Variants in FBXO28 observed in about 807,000 individuals in gnomAD.
FBXO28 encodes the protein F-box only protein 28.
A neutral mutation model predicts 38.1 loss-of-function variants in FBXO28; 8 were observed. That is an observed-to-expected ratio of 0.21 (90% CI 0.12 to 0.38). The LOEUF (loss-of-function observed/expected upper bound fraction) is 0.38. Ranked by LOEUF, FBXO28 falls within the 10% of genes least tolerant of loss-of-function variation. The pLI is 1.00. For synonymous variants in FBXO28, 168 were observed against 173.8 expected (o/e 0.97, Z 0.26); for missense variants, 345 against 460.6 (o/e 0.75, Z 2.30).
At chr1:224,127,228 T>C (rs1656928138) in intron 1 of FBXO28, among the ~76,000 whole-genome samples, 1 of 151,318 alleles carries the variant, frequency 6.6e-6, no homozygotes, top group South Asian at 2.1e-4. Flanking sequence ...GGCACGCTTA[T>C]TTTTTCCACA....
rs185743972 is a variant in FBXO28 at position 224,142,830 on chromosome 1, C to T, written c.516+8618C>T. Among the ~76,000 whole-genome samples, 29 of 152,202 alleles carry T rather than the reference C, an allele frequency of 1.9e-4. 1 individual carries two copies. In the South Asian group the frequency reaches 5.0e-3, roughly 26 times the overall value. On this transcript the variant is annotated intron_variant, in intron 3 of 4. Transcript: ENST00000366862. ...GCATGGTGGTGCGTGCCTGTAATCCCAGCCACTCGGGAGGCTGAGGCACGA... is the reference window on the plus strand; with the variant it reads ...GCATGGTGGTGCGTGCCTGTAATCCTAGCCACTCGGGAGGCTGAGGCACGA...
chr1:224,157,646 C>T lies in FBXO28; in HGVS notation c.1007C>T (p.Ser336Leu). ...EVMESAVGNSSGSGQNEESPR... is the reference protein window; with the variant it reads ...EVMESAVGNSLGSGQNEESPR... Reference sequence around the variant, plus strand: ...ATGGAAAGTGCTGTAGGAAATTCCTCAGGGTCCGGGCAGAATGAGGAGTCT... The same window carrying T: ...ATGGAAAGTGCTGTAGGAAATTCCTTAGGGTCCGGGCAGAATGAGGAGTCT... The change falls in exon 5 of 5, where the codon TCA (serine) becomes TTA (leucine). Residue 336 changes from serine to leucine, a missense_variant. Coordinates refer to ENST00000366862, the MANE Select transcript of FBXO28 (RefSeq NM_015176.4). 1.2e-6 allele frequency: 2 copies of T among 1,614,236 alleles called. No individual in the cohort carries two copies. The highest frequency in any genetic ancestry group is 1.3e-5 in the African/African-American group (1 of 75,056).
intron 1 of FBXO28, among the ~76,000 whole-genome samples, chr1:224,117,957 C>T (rs1257012606): frequency 6.6e-6 from 1 of 151,914 alleles, no homozygotes; most frequent in Admixed American, 6.6e-5. Context: ...TATATTCTTA[C>T]CTACTGAAAA....
chr1:224,146,115 T>C (rs1657497985), intron 3 of FBXO28, among the ~76,000 whole-genome samples: 1 of 151,682 alleles, frequency 6.6e-6, no homozygotes, highest in Non-Finnish European at 1.5e-5. Context: ...ACGCCTGTAT[T>C]CCCAGCTACT....
In FBXO28 at chr1:224,139,061, A is replaced by T. The variant is rs182360988; in HGVS notation, c.516+4849A>T. 5.9e-4 allele frequency among the ~76,000 whole-genome samples: 90 copies of T among 151,614 alleles called. 3 individuals carry two copies. In the South Asian group the frequency reaches 0.018, roughly 30 times the overall value. ...GCCTCCCAAAGTGCTGGGATTACAG[A>T]TGTGAGCCACTGCGCCCAGCCCAGT... is the stretch of plus-strand genomic sequence containing the variant. On this transcript the variant is annotated intron_variant, in intron 3 of 4. Transcript: ENST00000366862.
chr1:224,125,664 C>T lies in FBXO28; in HGVS notation c.268-4808C>T, dbSNP rs532677336. Among the ~76,000 whole-genome samples the T allele has an allele frequency of 2.5e-4, 36 of 146,336 alleles. No homozygotes were observed. The South Asian group carries it at 4.6e-3, about 19-fold the overall frequency. ...TCTCTTTTTTTTTTTTTTTCTGACA[C>T]GGAGTCTCGTTCTGTCATCCAGGCT... is the stretch of plus-strand genomic sequence containing the variant. On this transcript the variant is annotated intron_variant, in intron 1 of 4. Transcript: ENST00000366862.
At chr1:224,153,470 A>G (rs1657694028) in intron 4 of FBXO28, 133 bp downstream of exon 4, 1 of 614,826 alleles carries the variant, frequency 1.6e-6, no homozygotes, top group Non-Finnish European at 2.7e-6. Flanking sequence ...ATGAGATTGG[A>G]TTATCAACCA....
At chr1:224,146,182 C>T (rs1454566008) in intron 3 of FBXO28, among the ~76,000 whole-genome samples, 3 of 150,938 alleles carry the variant, frequency 2.0e-5, no homozygotes, top group African/African-American at 4.9e-5. Flanking sequence ...TGCAGTGAGC[C>T]GGGATCACAC....
At chr1:224,135,912 G>A (rs956336762) in intron 3 of FBXO28, among the ~76,000 whole-genome samples, 14 of 151,798 alleles carry the variant, frequency 9.2e-5, no homozygotes, top group African/African-American at 3.4e-4. Flanking sequence ...GCATGTGCCT[G>A]TAATCCCAGC....
intron 1 of FBXO28, among the ~76,000 whole-genome samples, chr1:224,126,684 C>A (rs1397008443): frequency 9.2e-5 from 14 of 152,166 alleles, no homozygotes; most frequent in Admixed American, 9.2e-4. Flanking sequence ...GTGGCAGGCG[C>A]CTGTAATCCC....
rs1399952911 is a variant in FBXO28 at position 224,133,845 on chromosome 1, AT to A, written c.378-228del. The stretch of plus-strand genomic sequence containing the variant: ...CTAATTAAAATATATATATATATAT[AT>A]AATTTGTTTTGTTTGTTTTCAAATA... On this transcript the variant is annotated intron_variant, in intron 2 of 4. Transcript: ENST00000366862. Among the ~76,000 whole-genome samples, 187 of 151,792 alleles carry A rather than the reference AT, an allele frequency of 1.2e-3. 1 individual carries two copies. Among genetic ancestry groups the A allele is most frequent in the Non-Finnish European group, 2.1e-3 (142 of 67,934 alleles).
At chr1:224,131,850 C>A (rs571774180) in intron 2 of FBXO28, among the ~76,000 whole-genome samples, 1 of 152,126 alleles carries the variant, frequency 6.6e-6, no homozygotes, top group South Asian at 2.1e-4. Flanking sequence ...CAAAAGACAC[C>A]GTTAAGAAAA....
intron 1 of FBXO28, among the ~76,000 whole-genome samples, chr1:224,127,365 C>T (rs544208830): frequency 6.6e-6 from 1 of 152,142 alleles, no homozygotes; most frequent in African/African-American, 2.4e-5. Flanking sequence ...AAGAATACCT[C>T]AGTCGATTGA....
Position 224,160,954 on chromosome 1 carries a change from T to C in FBXO28, c.*3208T>C, listed in dbSNP as rs1657893305. The C allele has an allele frequency of 6.6e-6, 1 of 152,242 alleles. No homozygotes were observed. The allele number at this position is 152,242 out of a possible 1,614,324, so 9.4% of individuals were successfully genotyped here. On this transcript the variant is annotated 3_prime_UTR_variant, in exon 5 of 5. Transcript: ENST00000366862. ...AGAGAAAATGGACATAAAACTAGGC[T>C]ATGTGTAATAAAAATAATGGCACCT...
intron 1 of FBXO28, 94 bp downstream of exon 1, chr1:224,114,490 C>T: frequency 1.8e-6 from 2 of 1,103,912 alleles, no homozygotes; most frequent in East Asian, 2.7e-5. Context: ...GAGCCCCCCG[C>T]GAGCCCCAGC....
chr1:224,125,724 C>T (rs1419118390), intron 1 of FBXO28, among the ~76,000 whole-genome samples: 1 of 151,714 alleles, frequency 6.6e-6, no homozygotes, highest in African/African-American at 2.4e-5. Context: ...CCACTGTAAC[C>T]TCCACCTTCC....
intron 3 of FBXO28, among the ~76,000 whole-genome samples, chr1:224,135,439 A>G (rs760985734): frequency 1.3e-5 from 2 of 152,010 alleles, no homozygotes; most frequent in Non-Finnish European, 2.9e-5. Context: ...CATGTGGCCT[A>G]CAAAGATTAA....
chr1:224,159,532 A>G lies in FBXO28; in HGVS notation c.*1786A>G, dbSNP rs1657847640. ...GGGAAGGTAATTTTAAAATAAAACAATTTCCAAAAAACATTTGTCAGCCAA... is the reference window on the plus strand; with the variant it reads ...GGGAAGGTAATTTTAAAATAAAACAGTTTCCAAAAAACATTTGTCAGCCAA... On this transcript the variant is annotated 3_prime_UTR_variant, in exon 5 of 5. Coordinates refer to ENST00000366862, the MANE Select transcript of FBXO28 (RefSeq NM_015176.4). The G allele has an allele frequency of 6.6e-6, 1 of 152,600 alleles. No individual in the cohort carries two copies. Among genetic ancestry groups the G allele is most frequent in the Admixed American group, 6.5e-5 (1 of 15,272 alleles). The allele number at this position is 152,600 out of a possible 1,614,324, so 9.5% of individuals were successfully genotyped here. A position where few individuals can be genotyped will look rare whatever the true frequency, so the allele number is the denominator to read the frequency against.
At chr1:224,114,658 C>T (rs1022044225) in intron 1 of FBXO28, among the ~76,000 whole-genome samples, 3 of 141,748 alleles carry the variant, frequency 2.1e-5, no homozygotes, top group African/African-American at 7.8e-5. Flanking sequence ...CGCCCGGAAG[C>T]GGGCCCTCTA....
Sources: gnomAD v4.1 joint callset for allele counts (sites outside exome capture counted in the v4.1 genomes callset) on GRCh38, gnomAD v4.1.1 for gene constraint, MANE v1.5 for transcripts, NCBI Gene and HGNC (gene_info 2026-07-23, HGNC 2026-07-21) for gene names.